Variants in PTPN12 observed in about 807,000 individuals in gnomAD.
The protein encoded by PTPN12 is protein tyrosine phosphatase non-receptor type 12, also known as tyrosine-protein phosphatase non-receptor type 12.
Under a neutral mutation model 97.6 loss-of-function variants are expected in PTPN12, and 29 were observed. The ratio of observed to expected loss-of-function variants is 0.30; its 90% CI spans 0.22 to 0.41. The LOEUF is 0.41. PTPN12 is among the 10% of genes least tolerant of loss of function. The pLI, the probability that PTPN12 is intolerant of heterozygous loss-of-function variation, is 1.00. For synonymous variants in PTPN12, 327 were observed against 300.4 expected, an observed-to-expected ratio of 1.09 and a Z score of -0.91; for missense variants, 819 against 926.0, an observed-to-expected ratio of 0.88 and a Z score of 1.50.
chr7:77,635,895 T>A (rs1434857067), intron 15 of PTPN12, 46 bp downstream of exon 15: 2 of 1,302,430 alleles, frequency 1.5e-6, no homozygotes, highest in Non-Finnish European at 2.1e-6. Flanking sequence ...ACATTTCTAC[T>A]CTTTTGTTAA....
At chr7:77,607,357 T>G (rs541153208) in intron 9 of PTPN12, 56 bp downstream of exon 9, 1 of 1,215,032 alleles carries the variant, frequency 8.2e-7, no homozygotes, top group South Asian at 1.3e-5. Context: ...ATTTTCAAAC[T>G]TAATTATAAT....
At chr7:77,566,886 A>G (rs111777688) in intron 1 of PTPN12, among the ~76,000 whole-genome samples, 1,922 of 152,234 alleles carry the variant, frequency 0.013, 15 homozygotes, top group Non-Finnish European at 0.02. Context: ...AATACAGTAA[A>G]TGATTAAAAA....
At chr7:77,556,426 C>T (rs964532172) in intron 1 of PTPN12, among the ~76,000 whole-genome samples, 1 of 152,116 alleles carries the variant, frequency 6.6e-6, no homozygotes, top group Non-Finnish European at 1.5e-5. Context: ...CAGCGCCTCA[C>T]CCCCAGGATG....
At chr7:77,573,314 A>G (rs1292572681) in intron 2 of PTPN12, among the ~76,000 whole-genome samples, 1 of 152,192 alleles carries the variant, frequency 6.6e-6, no homozygotes, top group African/African-American at 2.4e-5. Flanking sequence ...TTCAAATTCT[A>G]GAGACTGGGA....
At chr7:77,618,378 C>T in intron 11 of PTPN12, 102 bp from the exon 12 acceptor site, 1 of 728,566 alleles carries the variant, frequency 1.4e-6, no homozygotes, top group Non-Finnish European at 2.2e-6. Context: ...GCAAAATTGG[C>T]ATTGTTTAAG....
At chr7:77,602,827 T>A (rs371756621) in intron 8 of PTPN12, among the ~76,000 whole-genome samples, 14 of 152,200 alleles carry the variant, frequency 9.2e-5, no homozygotes, top group Admixed American at 6.5e-4. Context: ...TTCATAAGAC[T>A]GCTATCAATT....
In PTPN12 at chr7:77,635,334, T is replaced by C. The variant is rs565644418; in HGVS notation, c.2075-448T>C. Among the ~76,000 whole-genome samples, 9 of 152,210 alleles carry C rather than the reference T, an allele frequency of 5.9e-5. No homozygotes were observed. The East Asian group carries it at 1.4e-3, about 23-fold the overall frequency. ...GTCCCAGCTACTCAAGAAGCTGAGA[T>C]GGGAAGATTGCCTGAGCCTGGGAGG... On this transcript the variant is annotated intron_variant, in intron 14 of 17. Coordinates refer to ENST00000248594, the MANE Select transcript of PTPN12 (RefSeq NM_002835.4).
intron 11 of PTPN12, among the ~76,000 whole-genome samples, chr7:77,617,409 C>A (rs997474850): frequency 2.0e-4 from 31 of 152,054 alleles, no homozygotes; most frequent in Non-Finnish European, 2.1e-4. Context: ...ACTATTAATT[C>A]ATCAGATTAT....
At chr7:77,538,014 C>T in intron 1 of PTPN12, 1 of 1,032,270 alleles carries the variant, frequency 9.7e-7, no homozygotes. Context: ...CCTCCCCGCG[C>T]AGTTCGCTCC....
At chr7:77,545,912 A>G (rs1807195889) in intron 1 of PTPN12, 1 of 152,066 alleles carries the variant, frequency 6.6e-6, no homozygotes, top group Non-Finnish European at 1.5e-5. Context: ...TTTTTCCCTC[A>G]GAAAGCTTCC....
At chr7:77,575,373 G>C (rs551317021) in intron 2 of PTPN12, among the ~76,000 whole-genome samples, 1 of 151,788 alleles carries the variant, frequency 6.6e-6, no homozygotes, top group Non-Finnish European at 1.5e-5. Context: ...TCTCTCTCTC[G>C]TGTGTACACT....
chr7:77,569,671 T>C (rs185558634), intron 1 of PTPN12, among the ~76,000 whole-genome samples: 8 of 152,266 alleles, frequency 5.3e-5, no homozygotes, highest in Admixed American at 3.9e-4. Flanking sequence ...CTCAGGAGGC[T>C]GAGGCACAAG....
chr7:77,554,991 A>C (rs917246027), intron 1 of PTPN12, among the ~76,000 whole-genome samples: 19 of 152,010 alleles, frequency 1.2e-4, no homozygotes, highest in African/African-American at 4.3e-4. Context: ...CCCAGCCTTA[A>C]TTTTTGTTTG....
At chr7:77,620,101 C>T (rs17467135) in intron 12 of PTPN12, among the ~76,000 whole-genome samples, 1,854 of 152,168 alleles carry the variant, frequency 0.012, 14 homozygotes, top group Middle Eastern at 0.034. Flanking sequence ...TTTTTGCTGC[C>T]CTGTGTTTTA....
chr7:77,635,714 A>G (rs892688166), intron 14 of PTPN12, 68 bp from the exon 15 acceptor site: 12 of 973,162 alleles, frequency 1.2e-5, no homozygotes, highest in Non-Finnish European at 1.6e-5. Flanking sequence ...TGTTTTTTGT[A>G]TTACTTTAAT....
chr7:77,638,673 T>C lies in PTPN12; in HGVS notation c.2223T>C (p.Pro741=). The change falls in exon 17 of 18, where the codon CCT becomes CCC. Residue 741 remains proline, a synonymous_variant. Coordinates refer to ENST00000248594, the MANE Select transcript of PTPN12 (RefSeq NM_002835.4). ...ATGAAATGTGCATAGAATGTCCACC[T>C]ACTTTCAGTGACAAGAGAGAACAAA... ...IHYEMCIECP[P]TFSDKREQIS... The C allele has an allele frequency of 6.2e-7, 1 of 1,608,290 alleles. No homozygotes were observed. Among genetic ancestry groups the C allele is most frequent in the Non-Finnish European group, 8.5e-7 (1 of 1,178,208 alleles).
intron 2 of PTPN12, among the ~76,000 whole-genome samples, chr7:77,573,105 C>CAAACA (rs1554314865): frequency 2.1e-5 from 1 of 47,844 alleles, no homozygotes; most frequent in African/African-American, 1.2e-4. Flanking sequence ...AACAAAAAAA[C>CAAACA]AAAAAAAACC....
At chr7:77,569,316 TTTATAC>T (rs1439242090) in intron 1 of PTPN12, among the ~76,000 whole-genome samples, 2 of 152,212 alleles carry the variant, frequency 1.3e-5, no homozygotes, top group Non-Finnish European at 2.9e-5. Flanking sequence ...GCTTTTTACA[TTTATAC>T]TTAATATGTA....
At chr7:77,581,767 A>G (rs550626055) in intron 3 of PTPN12, among the ~76,000 whole-genome samples, 1 of 152,318 alleles carries the variant, frequency 6.6e-6, no homozygotes, top group East Asian at 1.9e-4. Flanking sequence ...CTTACCTATT[A>G]CTAAATTATT....
Sources: allele counts gnomAD v4.1 joint callset (sites outside exome capture counted in the v4.1 genomes callset), GRCh38; gene constraint gnomAD v4.1.1; transcripts MANE v1.5; gene names NCBI Gene and HGNC (gene_info 2026-07-23, HGNC 2026-07-21).